The following WBP2NL variants were observed in gnomAD, a reference collection of about 807,000 sequenced individuals.
WBP2NL encodes the protein WBP2 N-terminal like, also known as postacrosomal sheath WW domain-binding protein.
Under a neutral mutation model 23.3 loss-of-function variants are expected in WBP2NL, and 27 were observed. That is an observed-to-expected ratio of 1.16 (90% CI 0.85 to 1.60). WBP2NL has a LOEUF of 1.60. Ranked by LOEUF, WBP2NL falls within the 40% of genes most tolerant of loss-of-function variation. WBP2NL has a pLI of 0.00. For missense variants in WBP2NL, 370 were observed against 389.5 expected, an observed-to-expected ratio of 0.95 and a Z score of 0.42; for synonymous variants, 151 against 145.9, an observed-to-expected ratio of 1.03 and a Z score of -0.25.
At chr22:42,037,850 A>AGTGTGTGTGT (rs145563548), downstream of WBP2NL, among the ~76,000 whole-genome samples, 42 of 143,816 alleles carry the variant, frequency 2.9e-4, no homozygotes, top group African/African-American at 1.1e-3. Flanking sequence ...AGAGAGTGAG[A>AGTGTGTGTGT]GTGTGTGTGT....
chr22:42,013,085 G>C (rs1027055579), intron 1 of WBP2NL, among the ~76,000 whole-genome samples: 1 of 150,616 alleles, frequency 6.6e-6, no homozygotes, highest in East Asian at 2.0e-4. Context: ...ATAAGAAATC[G>C]CTGCTGGCCG....
chr22:41,999,148 T>C (rs1921271052), intron 1 of WBP2NL, among the ~76,000 whole-genome samples: 2 of 129,446 alleles, frequency 1.5e-5, no homozygotes, highest in Non-Finnish European at 3.3e-5. Context: ...GACGCATGTC[T>C]CCTCAGGGCG....
intron 1 of WBP2NL, among the ~76,000 whole-genome samples, chr22:42,006,850 G>T (rs975425051): frequency 6.6e-6 from 1 of 152,120 alleles, no homozygotes; most frequent in Non-Finnish European, 1.5e-5. Flanking sequence ...GATTTTTTCT[G>T]ACCCCAGCTG....
intron 1 of WBP2NL, among the ~76,000 whole-genome samples, chr22:42,014,581 C>T (rs1179264605): frequency 6.6e-6 from 1 of 152,094 alleles, no homozygotes; most frequent in Admixed American, 6.6e-5. Flanking sequence ...AATTCCCATT[C>T]TAGATATATT....
intron 4 of WBP2NL, among the ~76,000 whole-genome samples, chr22:42,021,020 A>G (rs1602459959): frequency 7.0e-6 from 1 of 143,164 alleles, no homozygotes; most frequent in East Asian, 2.2e-4. Flanking sequence ...CCCGGGTTCA[A>G]GTGATTCTCC....
At position 41,998,885 on chromosome 22, in the gene WBP2NL, C is replaced by G. The variant is rs1023478728; in HGVS notation, c.62+5C>G. Reference sequence around the variant, plus strand: ...CCTCATCCCTAACGGTGAAAGGTGCCTGAGGGGAAGCACGGCGTGCTGTCG... The same window carrying G: ...CCTCATCCCTAACGGTGAAAGGTGCGTGAGGGGAAGCACGGCGTGCTGTCG... On this transcript the variant is annotated splice_donor_5th_base_variant and intron_variant, in intron 1 of 5. Transcript: ENST00000328823. 3.7e-6 allele frequency: 6 copies of G among 1,608,096 alleles called. No individual in the cohort carries two copies. The African/African-American group carries it at 6.7e-5, about 18-fold the overall frequency.
At chr22:42,001,503 C>A in intron 1 of WBP2NL, 1 of 981,144 alleles carries the variant, frequency 1.0e-6, no homozygotes. Context: ...TCACCGAAAC[C>A]TCGCAATTCC....
rs1923884104 is a variant in WBP2NL at position 42,020,894 on chromosome 22, ATATATATATATATATTTTTTTTTTTT to A, written c.406+800_406+825del. On this transcript the variant is annotated intron_variant, in intron 4 of 5. Coordinates refer to ENST00000328823, the MANE Select transcript of WBP2NL (RefSeq NM_152613.3). ...TATATATATATATATATATATATAT[ATATATATATATATATTTTTTTTTTTT>A]TTTTTTTTTTTTTTTTTGAGACAGT... Among the ~76,000 whole-genome samples the A allele has an allele frequency of 9.9e-5, 4 of 40,268 alleles. 1 individual carries two copies. Among genetic ancestry groups the A allele is most frequent in the African/African-American group, 3.8e-4 (3 of 7,852 alleles). 26.4% of individuals were successfully genotyped at this position (40,268 alleles called of 152,430 possible).
At chr22:42,032,820 G>T, downstream of WBP2NL, 1 of 397,386 alleles carries the variant, frequency 2.5e-6, no homozygotes, top group Non-Finnish European at 5.1e-6. Flanking sequence ...ATACAGATGT[G>T]ACCAGCAGTT....
intron 8 of WBP2NL, among the ~76,000 whole-genome samples, chr22:42,039,181 C>G (rs989500885): frequency 6.6e-6 from 1 of 151,724 alleles, no homozygotes; most frequent in Non-Finnish European, 1.5e-5. Flanking sequence ...AAGCAATTCT[C>G]TTGCCTCCAT....
At chr22:42,047,278 A>G (rs1569454691) in intron 8 of WBP2NL, among the ~76,000 whole-genome samples, 1 of 151,364 alleles carries the variant, frequency 6.6e-6, no homozygotes, top group Non-Finnish European at 1.5e-5. Context: ...TCAAAAAAAA[A>G]AAAAAAAAAA....
chr22:42,049,705 CAAAAAAA>C (rs1158837575), intron 8 of WBP2NL, among the ~76,000 whole-genome samples: 96 of 37,474 alleles, frequency 2.6e-3, no homozygotes, highest in African/African-American at 4.1e-3. Flanking sequence ...CAAAACAAAA[CAAAAAAA>C]AAAAAAAAAA....
At chr22:42,007,265 T>C (rs760911006) in intron 1 of WBP2NL, among the ~76,000 whole-genome samples, 55 of 152,336 alleles carry the variant, frequency 3.6e-4, no homozygotes, top group Non-Finnish European at 7.3e-4. Flanking sequence ...CTATAAACAT[T>C]CCTGCAATGA....
downstream of WBP2NL, among the ~76,000 whole-genome samples, chr22:42,037,056 C>G (rs1207633850): frequency 1.3e-5 from 2 of 151,722 alleles, no homozygotes; most frequent in African/African-American, 2.4e-5. Context: ...TTTGCAGTTT[C>G]AAGTTTTACA....
At chr22:42,013,794 T>G (rs1449116400) in intron 1 of WBP2NL, among the ~76,000 whole-genome samples, 1 of 151,838 alleles carries the variant, frequency 6.6e-6, no homozygotes, top group African/African-American at 2.4e-5. Flanking sequence ...ATTTTTTTTT[T>G]TTTTGAGAGA....
chr22:42,022,116 C>G (rs1200776373), intron 4 of WBP2NL, 133 bp from the exon 5 acceptor site: 3 of 737,882 alleles, frequency 4.1e-6, no homozygotes, highest in Non-Finnish European at 6.9e-6. Context: ...TCTTTTTTAT[C>G]TTGTGTCTCA....
In WBP2NL at chr22:42,027,951, G is replaced by T; in HGVS notation, c.*770G>T. 1 of 398,462 alleles carries T rather than the reference G, an allele frequency of 2.5e-6. No homozygotes were observed. Among genetic ancestry groups the T allele is most frequent in the African/African-American group, 2.1e-5 (1 of 48,746 alleles). The allele number at this position is 398,462 out of a possible 1,614,324, so 24.7% of individuals were successfully genotyped here. ...TGAAAAGATGTTCAGCTTGACTAGTGTTAGGGAAATGCAACCTGAGATGAG... is the reference window on the plus strand; with the variant it reads ...TGAAAAGATGTTCAGCTTGACTAGTTTTAGGGAAATGCAACCTGAGATGAG... On this transcript the variant is annotated 3_prime_UTR_variant, in exon 6 of 6. Coordinates refer to ENST00000328823, the MANE Select transcript of WBP2NL (RefSeq NM_152613.3).
Position 42,019,662 on chromosome 22 carries a change from G to C in WBP2NL, c.172G>C (p.Val58Leu), listed in dbSNP as rs1421093860. 6.2e-7 allele frequency: 1 copy of C among 1,613,938 alleles called. No homozygotes were observed. Among genetic ancestry groups the C allele is most frequent in the East Asian group, 2.2e-5 (1 of 44,880 alleles). Reference sequence around the variant, plus strand: ...TTCCAAAGTTTCTGTCCTTGCGTAGGTGATTTTCATAACTTCATGCTCCAT... The same window carrying C: ...TTCCAAAGTTTCTGTCCTTGCGTAGCTGATTTTCATAACTTCATGCTCCAT... ...TGTLFLTSYR[V>L]IFITSCSISD... The change falls in exon 3 of 6, where the codon GTG becomes CTG. Residue 58 changes from valine (V) to leucine (L), a missense_variant and splice_region_variant. Transcript: ENST00000328823.
chr22:42,024,690 T>C (rs1924315638), intron 5 of WBP2NL, among the ~76,000 whole-genome samples: 1 of 152,096 alleles, frequency 6.6e-6, no homozygotes, highest in Non-Finnish European at 1.5e-5. Context: ...TCGGATTGCT[T>C]GTCTTTTTGT....
Sources: gnomAD v4.1 joint callset for allele counts (sites outside exome capture counted in the v4.1 genomes callset) on GRCh38, gnomAD v4.1.1 for gene constraint, MANE v1.5 for transcripts, NCBI Gene and HGNC (gene_info 2026-07-23, HGNC 2026-07-21) for gene names.